RGS17: variants seen among roughly 807,000 people sequenced by gnomAD.
RGS17 encodes regulator of G protein signaling 17, also known as regulator of G-protein signaling 17.
A neutral mutation model predicts 25.5 loss-of-function variants in RGS17; 12 were observed. That is an observed-to-expected ratio of 0.47 (90% CI 0.30 to 0.76). RGS17 has a LOEUF of 0.76. Among genes scored for constraint, RGS17 ranks in the 30% least tolerant of loss-of-function variants. The pLI is 0.07. For synonymous variants in RGS17, 71 were observed against 76.9 expected (o/e 0.92, Z 0.40); for missense variants, 196 against 242.2 (o/e 0.81, Z 1.27).
chr6:153,021,890 A>G (rs987363937), intron 4 of RGS17, among the ~76,000 whole-genome samples: 1 of 152,084 alleles, frequency 6.6e-6, no homozygotes, highest in Non-Finnish European at 1.5e-5. Flanking sequence ...CTTTCTGGTG[A>G]AACTTGTGTT....
intron 1 of RGS17, among the ~76,000 whole-genome samples, chr6:153,057,760 C>T (rs9384074): frequency 0.38 from 58,398 of 152,074 alleles, 11,902 homozygotes; most frequent in East Asian, 0.62. Flanking sequence ...TAGACACTCC[C>T]ATCTGGGGGT....
chr6:153,058,799 C>A (rs956690065), intron 1 of RGS17, among the ~76,000 whole-genome samples: 1 of 152,132 alleles, frequency 6.6e-6, no homozygotes, highest in African/African-American at 2.4e-5. Flanking sequence ...TGCAACTGAG[C>A]AAGCTTTCAA....
chr6:153,072,107 T>A (rs1040102976), intron 1 of RGS17, among the ~76,000 whole-genome samples: 2 of 152,132 alleles, frequency 1.3e-5, no homozygotes, highest in Non-Finnish European at 2.9e-5. Flanking sequence ...ATTCCCAGCA[T>A]CTAAGGGAGT....
At chr6:153,099,041 C>A (rs561303178) in intron 1 of RGS17, among the ~76,000 whole-genome samples, 8 of 152,084 alleles carry the variant, frequency 5.3e-5, no homozygotes, top group Non-Finnish European at 1.2e-4. Context: ...TTTCCAGTGC[C>A]CCTTTTCACG....
intron 1 of RGS17, among the ~76,000 whole-genome samples, chr6:153,095,706 A>T (rs1777198959): frequency 6.6e-6 from 1 of 152,206 alleles, no homozygotes; most frequent in African/African-American, 2.4e-5. Flanking sequence ...CTAATTATAC[A>T]TATTATTCAT....
At position 153,009,421 on chromosome 6, in the gene RGS17, AAATT is replaced by A. The variant is rs927300805; in HGVS notation, c.*2149_*2152del. 2.6e-4 allele frequency: 39 copies of A among 152,074 alleles called. No homozygotes were observed. The highest frequency in any genetic ancestry group is 7.5e-4 in the African/African-American group (31 of 41,452). 9.4% of individuals were successfully genotyped at this position (152,074 alleles called of 1,614,324 possible). A position where few individuals can be genotyped will look rare whatever the true frequency, so the allele number is the denominator to read the frequency against. On this transcript the variant is annotated 3_prime_UTR_variant, in exon 5 of 5. Transcript: ENST00000206262. ...ATAAACTCAATTCTAAGCAAGAAAA[AAATT>A]AAATAATTTAGGAACAATAGAACTT... is the stretch of plus-strand genomic sequence containing the variant.
intron 1 of RGS17, among the ~76,000 whole-genome samples, chr6:153,057,483 T>C (rs1447033830): frequency 6.6e-6 from 1 of 152,146 alleles, no homozygotes; most frequent in Non-Finnish European, 1.5e-5. Flanking sequence ...AGGCTGCCTC[T>C]GTACAAATCT....
chr6:153,114,762 AG>A (rs1336336090), intron 1 of RGS17, among the ~76,000 whole-genome samples: 3 of 152,224 alleles, frequency 2.0e-5, no homozygotes, highest in African/African-American at 7.2e-5. Context: ...CTGGGATGCA[AG>A]GCTAGTTCAA....
Position 153,054,050 on chromosome 6 carries a change from TGTATATA to T in RGS17, c.-25-10014_-25-10008del, listed in dbSNP as rs1776512518. On this transcript the variant is annotated intron_variant, in intron 1 of 4. Coordinates refer to ENST00000206262, the MANE Select transcript of RGS17 (RefSeq NM_012419.5). Reference sequence around the variant, plus strand: ...ATATATATACATATATATGTATATATGTATATAATATATATACATATATATATACACA... The same window carrying T: ...ATATATATACATATATATGTATATATATATATATACATATATATATACACA... Among the ~76,000 whole-genome samples, 40 of 75,814 alleles carry T rather than the reference TGTATATA, an allele frequency of 5.3e-4. 2 individuals are homozygous for T. The highest frequency in any genetic ancestry group is 2.2e-3 in the East Asian group (5 of 2,322). 49.7% of individuals were successfully genotyped at this position (75,814 alleles called of 152,430 possible).
At chr6:153,047,752 C>G (rs1026453624) in intron 1 of RGS17, among the ~76,000 whole-genome samples, 11 of 152,308 alleles carry the variant, frequency 7.2e-5, no homozygotes, top group Admixed American at 2.6e-4. Flanking sequence ...TCTTATACTT[C>G]CCAGCCAACA....
At chr6:153,067,921 T>C (rs567959111) in intron 1 of RGS17, among the ~76,000 whole-genome samples, 3 of 152,112 alleles carry the variant, frequency 2.0e-5, no homozygotes, top group African/African-American at 7.2e-5. Flanking sequence ...TACAGAGCTA[T>C]AGTAACCAAA....
At chr6:153,072,521 G>A (rs1013428490) in intron 1 of RGS17, among the ~76,000 whole-genome samples, 4 of 152,188 alleles carry the variant, frequency 2.6e-5, no homozygotes, top group Non-Finnish European at 4.4e-5. Flanking sequence ...AGATCACTTC[G>A]TTACTGGATG....
chr6:153,090,818 C>A (rs1163966985), intron 1 of RGS17, among the ~76,000 whole-genome samples: 1 of 150,506 alleles, frequency 6.6e-6, no homozygotes, highest in African/African-American at 2.5e-5. Context: ...ATTGAAAAAA[C>A]ACAGCACATA....
At chr6:153,070,437 T>C (rs1434557119) in intron 1 of RGS17, among the ~76,000 whole-genome samples, 2 of 152,146 alleles carry the variant, frequency 1.3e-5, no homozygotes, top group African/African-American at 4.8e-5. Flanking sequence ...GTTAAATAGT[T>C]ATGTCTATGT....
intron 4 of RGS17, among the ~76,000 whole-genome samples, chr6:153,019,576 C>T (rs1779218839): frequency 6.6e-6 from 1 of 152,134 alleles, no homozygotes; most frequent in African/African-American, 2.4e-5. Context: ...CTTCTTGGTT[C>T]TGTCCTTGAT....
chr6:153,077,586 C>A (rs898217287), intron 1 of RGS17, among the ~76,000 whole-genome samples: 4 of 151,398 alleles, frequency 2.6e-5, no homozygotes, highest in Admixed American at 1.3e-4. Flanking sequence ...AAAGTCGGGG[C>A]AAAAAATAAA....
At chr6:153,043,878 T>C (rs1776353307) in intron 2 of RGS17, 22 bp downstream of exon 2, 1 of 1,498,198 alleles carries the variant, frequency 6.7e-7, no homozygotes, top group African/African-American at 1.4e-5. Context: ...GGGTGTGGCA[T>C]CCTACAGGTA....
At chr6:153,105,085 A>G (rs1777359908) in intron 1 of RGS17, among the ~76,000 whole-genome samples, 1 of 152,184 alleles carries the variant, frequency 6.6e-6, no homozygotes, top group Non-Finnish European at 1.5e-5. Flanking sequence ...GACAGATCAC[A>G]CTGGGCCTTG....
At chr6:153,072,211 C>T (rs992377766) in intron 1 of RGS17, among the ~76,000 whole-genome samples, 2 of 152,088 alleles carry the variant, frequency 1.3e-5, no homozygotes, top group African/African-American at 4.8e-5. Context: ...CAATTCACCA[C>T]ACTGATGGAA....
Sources: allele counts gnomAD v4.1 joint callset (sites outside exome capture counted in the v4.1 genomes callset), GRCh38; gene constraint gnomAD v4.1.1; transcripts MANE v1.5; gene names NCBI Gene and HGNC (gene_info 2026-07-23, HGNC 2026-07-21).